The following CCNY variants were observed in gnomAD, a reference collection of about 807,000 sequenced individuals.
The protein encoded by CCNY is cyclin Y.
In CCNY, 19 loss-of-function variants were observed where a neutral mutation model predicts 42.8. The ratio of observed to expected loss-of-function variants is 0.44; its 90% CI spans 0.31 to 0.65. CCNY has a LOEUF of 0.65. Ranked by LOEUF, CCNY falls within the 30% of genes least tolerant of loss-of-function variation. CCNY has a pLI of 0.07. For synonymous variants in CCNY, 165 were observed against 162.7 expected, an observed-to-expected ratio of 1.01 and a Z score of -0.11; for missense variants, 370 against 437.3, an observed-to-expected ratio of 0.85 and a Z score of 1.37.
chr10:35,455,688 G>A (rs1839013387), intron 1 of CCNY, among the ~76,000 whole-genome samples: 1 of 151,866 alleles, frequency 6.6e-6, no homozygotes, highest in South Asian at 2.1e-4. Context: ...GAGAGAACAT[G>A]AACCAGGACC....
intron 2 of CCNY, among the ~76,000 whole-genome samples, chr10:35,500,777 T>G (rs1840095548): frequency 2.0e-5 from 3 of 152,226 alleles, no homozygotes. Flanking sequence ...CAGGCTCCCA[T>G]TCTGAGAAAC....
rs115424706 is a variant in CCNY, at chr10:35,516,967, T to C, written c.365+344T>C. On this transcript the variant is annotated intron_variant, in intron 4 of 9. Coordinates refer to ENST00000374704, the MANE Select transcript of CCNY (RefSeq NM_145012.6). ...ATGCTTTCTACCCTTGCACTTTTTA[T>C]TGAAGCCATCCTGGCATAACTCCAC... 6.8e-3 allele frequency among the ~76,000 whole-genome samples: 1,032 copies of C among 152,334 alleles called. 11 individuals are homozygous for C. Among genetic ancestry groups the C allele is most frequent in the African/African-American group, 0.024 (987 of 41,576 alleles).
intron 1 of CCNY, among the ~76,000 whole-genome samples, chr10:35,397,993 G>T (rs1055435674): frequency 6.6e-6 from 1 of 152,202 alleles, no homozygotes; most frequent in African/African-American, 2.4e-5. Flanking sequence ...GGCACAGTGA[G>T]ACCAGACTCT....
intron 3 of CCNY, among the ~76,000 whole-genome samples, chr10:35,322,954 T>A (rs7093335): frequency 0.022 from 3,356 of 152,088 alleles, 117 homozygotes; most frequent in African/African-American, 0.076. Flanking sequence ...TGAGATGGAG[T>A]CTCGCTCTGT....
chr10:35,497,714 G>C (rs1239528214), intron 2 of CCNY, among the ~76,000 whole-genome samples: 2 of 134,334 alleles, frequency 1.5e-5, no homozygotes, highest in African/African-American at 5.6e-5. Flanking sequence ...ATTACAGAGC[G>C]AGACTCCGTC....
At chr10:35,393,583 C>G (rs1837460308) in intron 1 of CCNY, among the ~76,000 whole-genome samples, 1 of 152,196 alleles carries the variant, frequency 6.6e-6, no homozygotes, top group Non-Finnish European at 1.5e-5. Flanking sequence ...CGTTTTGCCT[C>G]CCTTGTGTTT....
At chr10:35,548,067 C>A (rs1417993458) in intron 7 of CCNY, among the ~76,000 whole-genome samples, 1 of 152,056 alleles carries the variant, frequency 6.6e-6, no homozygotes, top group Non-Finnish European at 1.5e-5. Flanking sequence ...AGGCATGGAA[C>A]CCTGCACAGT....
intron 3 of CCNY, among the ~76,000 whole-genome samples, chr10:35,310,941 G>A (rs1017035752): frequency 3.9e-5 from 6 of 151,904 alleles, no homozygotes; most frequent in African/African-American, 1.5e-4. Context: ...AGGAGTTCAA[G>A]ACCAGCCTGG....
At chr10:35,443,834 A>C (rs1389393551) in intron 1 of CCNY, among the ~76,000 whole-genome samples, 1 of 152,104 alleles carries the variant, frequency 6.6e-6, no homozygotes, top group Admixed American at 6.5e-5. Flanking sequence ...GCATTCCACA[A>C]GTTACTTCCT....
chr10:35,340,504 C>CTTT (rs1210434335), intron 1 of CCNY, among the ~76,000 whole-genome samples: 2 of 132,708 alleles, frequency 1.5e-5, no homozygotes, highest in Middle Eastern at 3.5e-3. Flanking sequence ...CAACTTCATT[C>CTTT]TTTTTTTTTT....
chr10:35,384,421 T>G (rs546998475), intron 1 of CCNY, among the ~76,000 whole-genome samples: 8 of 152,182 alleles, frequency 5.3e-5, no homozygotes, highest in Non-Finnish European at 8.8e-5. Context: ...ACACTTTACC[T>G]AGATAAGGTG....
intron 7 of CCNY, among the ~76,000 whole-genome samples, chr10:35,545,805 C>A (rs1246612366): frequency 6.6e-6 from 1 of 152,024 alleles, no homozygotes; most frequent in East Asian, 1.9e-4. Context: ...AATTTATTAA[C>A]CTATATTAAT....
At chr10:35,457,705 C>CGAGTAGCT (rs1456656669) in intron 1 of CCNY, among the ~76,000 whole-genome samples, 4 of 152,160 alleles carry the variant, frequency 2.6e-5, no homozygotes, top group Middle Eastern at 3.4e-3. Context: ...CTCAGCTCCC[C>CGAGTAGCT]GAGTAGCTGG....
intron 1 of CCNY, among the ~76,000 whole-genome samples, chr10:35,247,875 C>CAAAAAAA (rs56166117): frequency 1.7e-5 from 1 of 58,184 alleles, no homozygotes; most frequent in Non-Finnish European, 3.8e-5. Flanking sequence ...GACTCCATCT[C>CAAAAAAA]AAAAAAAAAA....
At chr10:35,516,395 A>C in intron 3 of CCNY, 128 bp from the exon 4 acceptor site, 2 of 687,302 alleles carry the variant, frequency 2.9e-6, no homozygotes, top group Non-Finnish European at 5.2e-6. Context: ...TCTTGGTGGT[A>C]ATGTTGACAT....
intron 1 of CCNY, among the ~76,000 whole-genome samples, chr10:35,372,313 T>A (rs1165995344): frequency 1.3e-5 from 2 of 152,198 alleles, no homozygotes; most frequent in Admixed American, 6.5e-5. Context: ...ATTTAATGCG[T>A]TAGCAGTGCG....
At chr10:35,423,828 A>C (rs1214645444) in intron 1 of CCNY, among the ~76,000 whole-genome samples, 3 of 152,234 alleles carry the variant, frequency 2.0e-5, no homozygotes, top group Non-Finnish European at 4.4e-5. Flanking sequence ...GAACTCCTAT[A>C]AGCTTACAAT....
At chr10:35,276,276 T>C (rs556202761) in intron 3 of CCNY, among the ~76,000 whole-genome samples, 1 of 152,248 alleles carries the variant, frequency 6.6e-6, no homozygotes, top group Non-Finnish European at 1.5e-5. Context: ...CTTGTGTTCA[T>C]TGGATAATTG....
chr10:35,460,137 T>G (rs2135327758), intron 1 of CCNY, among the ~76,000 whole-genome samples: 1 of 152,288 alleles, frequency 6.6e-6, no homozygotes, highest in East Asian at 1.9e-4. Flanking sequence ...CAGGTAGAGC[T>G]CCCTGATATC....
Sources: gnomAD v4.1 joint callset for allele counts (sites outside exome capture counted in the v4.1 genomes callset) on GRCh38, gnomAD v4.1.1 for gene constraint, MANE v1.5 for transcripts, NCBI Gene and HGNC (gene_info 2026-07-23, HGNC 2026-07-21) for gene names.